GPSM1: variants seen among roughly 807,000 people sequenced by gnomAD.
GPSM1 encodes the protein G protein signaling modulator 1.
Under a neutral mutation model 70.5 loss-of-function variants are expected in GPSM1, and 48 were observed. The observed-to-expected ratio is 0.68, with a 90% CI of 0.54 to 0.87. The LOEUF is 0.87. GPSM1 is among the 40% of genes least tolerant of loss of function. The probability of loss-of-function intolerance (pLI) is 0.00; values close to 1 mark genes in which losing one functional copy is unlikely to be tolerated. For missense variants in GPSM1, 981 were observed against 972.6 expected, an observed-to-expected ratio of 1.01 and a Z score of -0.11; for synonymous variants, 416 against 430.1, an observed-to-expected ratio of 0.97 and a Z score of 0.41.
At chr9:136,347,551 C>T (rs573552323) in intron 9 of GPSM1, among the ~76,000 whole-genome samples, 102 of 152,252 alleles carry the variant, frequency 6.7e-4, no homozygotes, top group African/African-American at 2.3e-3. Flanking sequence ...CTCGTTCCGC[C>T]GTCGTCCCCT....
Position 136,327,711 on chromosome 9 carries a change from C to A in GPSM1, c.16C>A (p.Pro6Thr). 8.6e-7 allele frequency: 1 copy of A among 1,166,094 alleles called. No homozygotes were observed. The highest frequency in any genetic ancestry group is 4.0e-5 in the South Asian group (1 of 24,884). 72.2% of individuals were successfully genotyped at this position (1,166,094 alleles called of 1,614,324 possible). Residue 6 changes from proline to threonine, a missense_variant, in exon 1 of 14, where the codon CCG (proline) becomes ACG (threonine). By Grantham distance (38) the Pro-to-Thr change is conservative. Coordinates refer to ENST00000440944, the MANE Select transcript of GPSM1 (RefSeq NM_001145638.3). MAGPAPPAADELPGPA... is the reference protein window; with the variant it reads MAGPATPAADELPGPA... ...TCCCCGACCCATGGCGGGCCCGGCC[C>A]CGCCCGCGGCCGACGAGCTCCCGGG...
intron 3 of GPSM1, among the ~76,000 whole-genome samples, chr9:136,336,474 A>G (rs1554769258): frequency 6.6e-6 from 1 of 152,150 alleles, no homozygotes; most frequent in African/African-American, 2.4e-5. Context: ...TGACAGCAGG[A>G]AGAGTGGCTC....
intron 5 of GPSM1, 72 bp downstream of exon 5, chr9:136,337,636 G>C: frequency 6.9e-7 from 1 of 1,449,144 alleles, no homozygotes. Context: ...CCCTCTTGGC[G>C]GTCCCTGAAA....
Position 136,343,128 on chromosome 9 carries a change from C to A in GPSM1, c.1207+2135C>A, listed in dbSNP as rs1465340030. Among the ~76,000 whole-genome samples, 6 of 152,176 alleles carry A rather than the reference C, an allele frequency of 3.9e-5. No individual in the cohort carries two copies. Among genetic ancestry groups the A allele is most frequent in the African/African-American group, 1.4e-4 (6 of 41,434 alleles). On this transcript the variant is annotated intron_variant, in intron 9 of 13. Transcript: ENST00000440944. This position sits in a 1 kb window ranked among gnomAD's most constrained non-coding sequence, Gnocchi z 6.0. The stretch of plus-strand genomic sequence containing the variant: ...CCAGAAGTGTGTCTGGGGGTCACCA[C>A]CCTGCCAGCCACTGCCCTTGTCCAG...
intron 11 of GPSM1, chr9:136,354,798 C>G: frequency 1.0e-6 from 1 of 985,680 alleles, no homozygotes; most frequent in Non-Finnish European, 1.2e-6. Flanking sequence ...ACAGCAGACA[C>G]CGGTGAGGGC....
intron 1 of GPSM1, among the ~76,000 whole-genome samples, chr9:136,329,780 G>A (rs1221645809): frequency 3.9e-5 from 6 of 152,178 alleles, no homozygotes; most frequent in Admixed American, 3.9e-4. Flanking sequence ...TACCCTGAGG[G>A]GCCCTGGGTG....
intron 11 of GPSM1, among the ~76,000 whole-genome samples, chr9:136,352,420 G>C (rs1832697036): frequency 6.6e-6 from 1 of 152,278 alleles, no homozygotes; most frequent in African/African-American, 2.4e-5. Context: ...TTTGGGATCT[G>C]AGGCGGTGTG....
intron 11 of GPSM1, chr9:136,354,718 C>G: frequency 1.5e-6 from 1 of 685,704 alleles, no homozygotes; most frequent in South Asian, 6.5e-5. Context: ...AGACCACGCC[C>G]TCCAGCCTCC....
chr9:136,339,458 T>C (rs1354647612), intron 7 of GPSM1, among the ~76,000 whole-genome samples: 1 of 152,212 alleles, frequency 6.6e-6, no homozygotes, highest in Non-Finnish European at 1.5e-5. Flanking sequence ...GCTTGGACTC[T>C]GCGCTAATCC....
chr9:136,334,796 T>C (rs1306947217), intron 2 of GPSM1, 128 bp downstream of exon 2: 25 of 712,752 alleles, frequency 3.5e-5, no homozygotes, highest in Non-Finnish European at 4.9e-5. Flanking sequence ...GCCCTGCTGG[T>C]GGGTGAGTGG....
chr9:136,358,415 C>G lies in GPSM1; in HGVS notation c.*195C>G, dbSNP rs1288162191. 27 of 595,932 alleles carry G rather than the reference C, an allele frequency of 4.5e-5. No individual in the cohort carries two copies. In the Admixed American group the frequency reaches 9.0e-4, roughly 20 times the overall value. 36.9% of individuals were successfully genotyped at this position (595,932 alleles called of 1,614,324 possible). On this transcript the variant is annotated 3_prime_UTR_variant, in exon 14 of 14. Transcript: ENST00000440944. ...GGCGTGCTTCCATCCCGGGCTGGCC[C>G]CCATGGCCCTCAGCTTCCTCCCTTC... is the stretch of plus-strand genomic sequence containing the variant.
intron 2 of GPSM1, among the ~76,000 whole-genome samples, chr9:136,335,016 C>G (rs575229488): frequency 6.6e-6 from 1 of 152,172 alleles, no homozygotes; most frequent in East Asian, 1.9e-4. Flanking sequence ...GGCTCTGGGA[C>G]CCCGGCAGGG....
intron 11 of GPSM1, 43 bp from the exon 12 acceptor site, chr9:136,355,647 T>C (rs782336265): frequency 1.3e-6 from 2 of 1,594,702 alleles, no homozygotes; most frequent in East Asian, 2.2e-5. Flanking sequence ...TCTGGGGGTC[T>C]GCGGGGCTAG....
At chr9:136,332,615 G>C (rs1564340756) in intron 1 of GPSM1, among the ~76,000 whole-genome samples, 1 of 152,198 alleles carries the variant, frequency 6.6e-6, no homozygotes, top group Admixed American at 6.5e-5. Context: ...GAAGCCCCGT[G>C]CGTGGCGCTG....
In GPSM1 at chr9:136,340,754, G is replaced by A. The variant is rs994700275; in HGVS notation, c.1084-116G>A. 39 of 1,403,482 alleles carry A rather than the reference G, an allele frequency of 2.8e-5. No individual in the cohort carries two copies. The highest frequency in any genetic ancestry group is 3.6e-5 in the Non-Finnish European group (38 of 1,063,792). The allele number at this position is 1,403,482 out of a possible 1,614,324, so 86.9% of individuals were successfully genotyped here. On this transcript the variant is annotated intron_variant, in intron 8 of 13. Transcript: ENST00000440944. The surrounding 1 kb of genome is among the most constrained non-coding windows in gnomAD (Gnocchi z 7.3). ...TCAGAGGCCCAGGGGTCAGTGACCA[G>A]TTCAGGTCACTCAGAAGGTCAGGGA... is the stretch of plus-strand genomic sequence containing the variant.
Position 136,347,572 on chromosome 9 carries a change from C to T in GPSM1, c.1208-1125C>T, listed in dbSNP as rs60209948. Among the ~76,000 whole-genome samples the T allele has an allele frequency of 6.9e-3, 1,052 of 152,334 alleles. 14 individuals carry two copies. The highest frequency in any genetic ancestry group is 0.024 in the African/African-American group (995 of 41,574). The stretch of plus-strand genomic sequence containing the variant: ...CCGCCGTCGTCCCCTCTGCCTAGAA[C>T]GTTCTGCTGCCCTTTCCACAGTGGC... On this transcript the variant is annotated intron_variant, in intron 9 of 13. Coordinates refer to ENST00000440944, the MANE Select transcript of GPSM1 (RefSeq NM_001145638.3).
intron 1 of GPSM1, among the ~76,000 whole-genome samples, chr9:136,330,217 GGAAGGGGCAGCAGAGCCAC>G (rs1182589383): frequency 2.0e-5 from 3 of 151,942 alleles, no homozygotes; most frequent in Non-Finnish European, 4.4e-5. Flanking sequence ...GCTGGGGCCG[GGAAGGGGCAGCAGAGCCAC>G]CCACCTTGGG....
chr9:136,357,838 G>A (rs1832877945), intron 13 of GPSM1, among the ~76,000 whole-genome samples, 176 bp from the exon 14 acceptor site: 1 of 152,214 alleles, frequency 6.6e-6, no homozygotes, highest in African/African-American at 2.4e-5. Context: ...TGCGCTCAGG[G>A]CCCGGGCTCC....
intron 1 of GPSM1, among the ~76,000 whole-genome samples, chr9:136,331,650 C>T (rs1443318534): frequency 2.6e-5 from 4 of 152,220 alleles, no homozygotes; most frequent in Admixed American, 2.0e-4. Flanking sequence ...GGCAGAGCAG[C>T]CCCCGCTGGG....
Sources: gnomAD v4.1 joint callset for allele counts (sites outside exome capture counted in the v4.1 genomes callset) on GRCh38, gnomAD v4.1.1 for gene constraint, Gnocchi (gnomAD v3.1) non-coding constraint, MANE v1.5 for transcripts, NCBI Gene and HGNC (gene_info 2026-07-23, HGNC 2026-07-21) for gene names.